CCDC192: variants seen among roughly 807,000 people sequenced by gnomAD.
The protein encoded by CCDC192 is coiled-coil domain-containing protein 192.
intron 3 of CCDC192, among the ~76,000 whole-genome samples, chr5:127,776,198 A>G: frequency 6.6e-6 from 1 of 152,242 alleles, no homozygotes; most frequent in East Asian, 1.9e-4. Context: ...GGCTTTGACA[A>G]AAATGCTAAC....
At chr5:127,839,205 G>A (rs964020980) in intron 5 of CCDC192, among the ~76,000 whole-genome samples, 2 of 152,170 alleles carry the variant, frequency 1.3e-5, no homozygotes, top group Non-Finnish European at 1.5e-5. Context: ...GTGAAAAACT[G>A]GAAACAAACT....
intron 2 of CCDC192, among the ~76,000 whole-genome samples, chr5:127,743,648 G>C (rs1010547033): frequency 3.9e-5 from 6 of 152,114 alleles, no homozygotes; most frequent in African/African-American, 1.4e-4. Flanking sequence ...GTTGTAGTTT[G>C]TTCACATTTC....
chr5:127,909,931 G>C (rs1217872232), intron 6 of CCDC192, among the ~76,000 whole-genome samples: 1 of 152,116 alleles, frequency 6.6e-6, no homozygotes, highest in Admixed American at 6.5e-5. Flanking sequence ...TCAATACAAG[G>C]ATCAAATTTC....
At chr5:127,706,594 T>TATTAC (rs1402656705) in intron 1 of CCDC192, among the ~76,000 whole-genome samples, 1 of 151,634 alleles carries the variant, frequency 6.6e-6, no homozygotes, top group African/African-American at 2.4e-5. Context: ...CTGTTACATC[T>TATTAC]GTGAGGTTTA....
chr5:127,710,304 C>A (rs1405467615), intron 2 of CCDC192, among the ~76,000 whole-genome samples: 1 of 152,092 alleles, frequency 6.6e-6, no homozygotes, highest in Non-Finnish European at 1.5e-5. Context: ...TGCTGTGAAC[C>A]ATGAGGAACC....
chr5:127,881,265 T>C (rs1271039108), intron 6 of CCDC192, among the ~76,000 whole-genome samples: 1 of 152,220 alleles, frequency 6.6e-6, no homozygotes, highest in Non-Finnish European at 1.5e-5. Context: ...AACAATTATA[T>C]GGCAAGAAGG....
chr5:127,909,168 G>A (rs1164485121), intron 6 of CCDC192, among the ~76,000 whole-genome samples: 4 of 152,102 alleles, frequency 2.6e-5, no homozygotes, highest in Non-Finnish European at 5.9e-5. Flanking sequence ...ATCAACCCCT[G>A]GGCGAGAGCA....
chr5:127,745,651 G>T (rs1753697959), intron 2 of CCDC192, among the ~76,000 whole-genome samples: 3 of 151,930 alleles, frequency 2.0e-5, no homozygotes, highest in Admixed American at 2.0e-4. Context: ...TTAAATTGTT[G>T]GAATTTACCA....
intron 1 of CCDC192, among the ~76,000 whole-genome samples, chr5:127,706,439 A>C (rs1360388171): frequency 6.6e-6 from 1 of 150,916 alleles, no homozygotes. Context: ...AGGCAGTAGA[A>C]TCACTTGAAC....
chr5:127,805,287 T>G (rs1757720216), intron 5 of CCDC192, among the ~76,000 whole-genome samples: 1 of 152,128 alleles, frequency 6.6e-6, no homozygotes, highest in South Asian at 2.1e-4. Context: ...TCCCCCTCCT[T>G]GATCAGCAGA....
At chr5:127,763,811 C>T (rs1165567690) in intron 3 of CCDC192, among the ~76,000 whole-genome samples, 1 of 152,158 alleles carries the variant, frequency 6.6e-6, no homozygotes, top group Non-Finnish European at 1.5e-5. Context: ...CCCTCTGCTT[C>T]TGCCTAGAAT....
At chr5:127,880,652 A>G (rs1307393325) in intron 6 of CCDC192, among the ~76,000 whole-genome samples, 1 of 151,944 alleles carries the variant, frequency 6.6e-6, no homozygotes, top group Non-Finnish European at 1.5e-5. Flanking sequence ...AAAACAAAAC[A>G]TCTCCAATAC....
chr5:127,902,653 A>G (rs984240934), intron 6 of CCDC192, among the ~76,000 whole-genome samples: 1 of 152,202 alleles, frequency 6.6e-6, no homozygotes, highest in East Asian at 1.9e-4. Context: ...GCATGACTAT[A>G]AAGTGTGAAG....
chr5:127,853,588 C>T (rs538617101), intron 5 of CCDC192, among the ~76,000 whole-genome samples: 3 of 152,218 alleles, frequency 2.0e-5, no homozygotes, highest in East Asian at 1.9e-4. Flanking sequence ...GCCTGGCCAA[C>T]GTGGTGAAAC....
At chr5:127,757,991 A>G (rs894520277) in intron 3 of CCDC192, among the ~76,000 whole-genome samples, 1 of 151,834 alleles carries the variant, frequency 6.6e-6, no homozygotes, top group South Asian at 2.1e-4. Context: ...GGTGAAGTAG[A>G]ATGAGGTGGG....
intron 5 of CCDC192, among the ~76,000 whole-genome samples, chr5:127,799,624 C>T (rs1196770462): frequency 1.3e-5 from 2 of 152,150 alleles, no homozygotes; most frequent in Non-Finnish European, 2.9e-5. Context: ...TATTAGCTTC[C>T]AGCATCTCTT....
intron 5 of CCDC192, among the ~76,000 whole-genome samples, chr5:127,808,992 G>A (rs1247292280): frequency 6.6e-6 from 1 of 152,006 alleles, no homozygotes; most frequent in Non-Finnish European, 1.5e-5. Context: ...GTCCAAAAAA[G>A]ATACTAAGAG....
At chr5:127,855,007 A>G (rs868668543) in intron 5 of CCDC192, among the ~76,000 whole-genome samples, 1 of 152,254 alleles carries the variant, frequency 6.6e-6, no homozygotes, top group African/African-American at 2.4e-5. Flanking sequence ...TTTGTTGCTA[A>G]AAAATGTTAA....
chr5:127,850,711 A>C (rs1284181989), intron 5 of CCDC192, among the ~76,000 whole-genome samples: 1 of 152,176 alleles, frequency 6.6e-6, no homozygotes, highest in African/African-American at 2.4e-5. Context: ...CAAGCCTGTA[A>C]TCCCAGCAAT....
Sources: gnomAD v4.1 joint callset for allele counts (sites outside exome capture counted in the v4.1 genomes callset) on GRCh38, gnomAD v4.1.1 for gene constraint, MANE v1.5 for transcripts, NCBI Gene and HGNC (gene_info 2026-07-23, HGNC 2026-07-21) for gene names.